The following ACACA variants were observed in gnomAD, a reference collection of about 807,000 sequenced individuals.
ACACA encodes acetyl-CoA carboxylase 1.
ACACA carries 103 observed loss-of-function variants against 296.1 expected under a neutral mutation model. The ratio of observed to expected loss-of-function variants is 0.35; its 90% confidence interval spans 0.30 to 0.41. The LOEUF is 0.41. Ranked by LOEUF, ACACA falls within the 10% of genes least tolerant of loss-of-function variation. The probability of loss-of-function intolerance (pLI) is 1.00; values close to 1 mark genes in which losing one functional copy is unlikely to be tolerated. For synonymous variants in ACACA, 953 were observed against 1,038.6 expected (o/e 0.92, Z 1.58); for missense variants, 1,554 against 2,989.7 (o/e 0.52, Z 11.20).
chr17:37,288,482 G>T (rs1168355307), intron 3 of ACACA, among the ~76,000 whole-genome samples: 1 of 152,182 alleles, frequency 6.6e-6, no homozygotes, highest in Non-Finnish European at 1.5e-5. Context: ...TCAGTGGGCT[G>T]GGGCTGTGGG....
chr17:37,125,559 T>C lies in ACACA; in HGVS notation c.6041+139A>G, dbSNP rs1369794116. ...AACCAGCACTCCAATTATTTTGCCT[T>C]GGGCATGGCTATAATCCAATATTCT... On this transcript the variant is annotated intron_variant, in intron 48 of 55. Coordinates refer to ENST00000616317, the MANE Select transcript of ACACA (RefSeq NM_198834.3). The C allele has an allele frequency of 1.8e-5, 16 of 866,280 alleles. 1 individual carries two copies. Among genetic ancestry groups the C allele is most frequent in the South Asian group, 1.4e-4 (9 of 65,344 alleles). 53.7% of individuals were successfully genotyped at this position (866,280 alleles called of 1,614,324 possible).
rs188440123 is a variant in ACACA, at chr17:37,155,427, A to G, written c.5447+256T>C. Among the ~76,000 whole-genome samples, 659 of 151,742 alleles carry G rather than the reference A, an allele frequency of 4.3e-3. 4 individuals carry two copies. The highest frequency in any genetic ancestry group is 0.015 in the African/African-American group (609 of 41,398). ...TGGCCTGAAGGTGGGATTGTGGCTA[A>G]TTTTTTTTTCTTTATAATTGTTTAC... On this transcript the variant is annotated intron_variant, in intron 43 of 55. Coordinates refer to ENST00000616317, the MANE Select transcript of ACACA (RefSeq NM_198834.3).
chr17:37,203,418 AAGC>A (rs201773652), intron 33 of ACACA, among the ~76,000 whole-genome samples: 243 of 152,110 alleles, frequency 1.6e-3, no homozygotes, highest in African/African-American at 5.6e-3. Context: ...TTATTTCATG[AAGC>A]AGCAGCAGCA....
intron 2 of ACACA, among the ~76,000 whole-genome samples, chr17:37,331,095 A>C (rs1293595077): frequency 2.6e-5 from 2 of 77,392 alleles, no homozygotes; most frequent in Non-Finnish European, 4.9e-5. Context: ...TTTATTTTTC[A>C]TTTATTTATT....
At chr17:37,260,271 TA>T (rs1567898848) in intron 11 of ACACA, among the ~76,000 whole-genome samples, 1 of 25,310 alleles carries the variant, frequency 4.0e-5, no homozygotes, top group Non-Finnish European at 6.5e-5. Flanking sequence ...TATATATATA[TA>T]TATATATATA....
At chr17:37,330,873 G>A (rs2047844408) in intron 2 of ACACA, among the ~76,000 whole-genome samples, 1 of 151,964 alleles carries the variant, frequency 6.6e-6, no homozygotes, top group Non-Finnish European at 1.5e-5. Flanking sequence ...TGCTCATCTG[G>A]CTTCAAACAC....
chr17:37,091,759 A>T (rs111847335), intron 54 of ACACA, among the ~76,000 whole-genome samples: 4,913 of 151,794 alleles, frequency 0.032, 216 homozygotes, highest in African/African-American at 0.099. Flanking sequence ...TTTTTTTGGT[A>T]GAAACAGGGT....
intron 1 of ACACA, chr17:37,389,238 C>G: frequency 6.4e-7 from 1 of 1,572,384 alleles, no homozygotes; most frequent in South Asian, 1.2e-5. Context: ...GTCATTTTCT[C>G]CCTTCAGTAT....
intron 35 of ACACA, among the ~76,000 whole-genome samples, chr17:37,199,720 A>T (rs1026050793): frequency 3.9e-5 from 6 of 152,174 alleles, no homozygotes; most frequent in Non-Finnish European, 7.4e-5. Flanking sequence ...CTATAAGCAC[A>T]GAAGAAATTA....
chr17:37,141,117 G>C (rs866084726), intron 45 of ACACA: 4 of 463,942 alleles, frequency 8.6e-6, no homozygotes, highest in Middle Eastern at 1.1e-3. Flanking sequence ...TGAACCTGAT[G>C]TGCTGGCAAG....
intron 1 of ACACA, among the ~76,000 whole-genome samples, chr17:37,357,204 CA>C (rs1229563465): frequency 6.6e-6 from 1 of 152,062 alleles, no homozygotes; most frequent in Admixed American, 6.6e-5. Context: ...TAAATCAAAA[CA>C]AAACAAGCCT....
At chr17:37,221,528 T>G (rs1329319019) in intron 29 of ACACA, 196 bp downstream of exon 29, 4 of 647,348 alleles carry the variant, frequency 6.2e-6, no homozygotes, top group Non-Finnish European at 2.8e-6. Flanking sequence ...TAAACTTTCA[T>G]CTTACTTAGA....
chr17:37,322,835 A>G (rs932337191), intron 3 of ACACA, among the ~76,000 whole-genome samples: 1 of 152,096 alleles, frequency 6.6e-6, no homozygotes, highest in Admixed American at 6.5e-5. Context: ...CCTGGGGAAG[A>G]CCACCTCCCT....
At chr17:37,133,308 C>T (rs752697799) in intron 45 of ACACA, among the ~76,000 whole-genome samples, 18 of 152,204 alleles carry the variant, frequency 1.2e-4, no homozygotes, top group Non-Finnish European at 2.1e-4. Context: ...TCAATGACCA[C>T]ATGTTTGGAG....
At chr17:37,369,511 A>C (rs1218030773) in intron 1 of ACACA, 1 of 151,936 alleles carries the variant, frequency 6.6e-6, no homozygotes, top group African/African-American at 2.4e-5. Flanking sequence ...ACAACAACAA[A>C]AAAATGGGCA....
At chr17:37,216,970 G>GT (rs534658786) in intron 29 of ACACA, among the ~76,000 whole-genome samples, 2 of 152,012 alleles carry the variant, frequency 1.3e-5, no homozygotes, top group South Asian at 2.1e-4. Flanking sequence ...AGTAAGAGGA[G>GT]TTAAAAACAA....
At chr17:37,227,053 C>A (rs2079572319) in intron 25 of ACACA, among the ~76,000 whole-genome samples, 1 of 152,072 alleles carries the variant, frequency 6.6e-6, no homozygotes. Flanking sequence ...AAGAATCATT[C>A]CATGATACTT....
At chr17:37,357,424 C>T (rs1268852890) in intron 1 of ACACA, among the ~76,000 whole-genome samples, 1 of 152,154 alleles carries the variant, frequency 6.6e-6, no homozygotes, top group Admixed American at 6.6e-5. Context: ...AACCAGGAGA[C>T]GAAGGTTGCA....
At chr17:37,148,596 T>TG (rs1170433139) in intron 45 of ACACA, among the ~76,000 whole-genome samples, 1 of 152,228 alleles carries the variant, frequency 6.6e-6, no homozygotes, top group Non-Finnish European at 1.5e-5. Context: ...AAAAAGTTCC[T>TG]GCAAGTGGAG....
Sources: gnomAD v4.1 joint callset for allele counts (sites outside exome capture counted in the v4.1 genomes callset) on GRCh38, gnomAD v4.1.1 for gene constraint, MANE v1.5 for transcripts, NCBI Gene and HGNC (gene_info 2026-07-23, HGNC 2026-07-21) for gene names.